The following ATP6V1B1 variants were observed in gnomAD, a reference collection of about 807,000 sequenced individuals.
The protein encoded by ATP6V1B1 is V-type proton ATPase subunit B, kidney isoform.
A neutral mutation model predicts 62.1 loss-of-function variants in ATP6V1B1; 41 were observed. That is an observed-to-expected ratio of 0.66 (90% CI 0.51 to 0.86). ATP6V1B1 has a LOEUF of 0.86. Among genes scored for constraint, ATP6V1B1 ranks in the 40% least tolerant of loss-of-function variants. ATP6V1B1 has a pLI of 0.00. For missense variants in ATP6V1B1, 651 were observed against 697.5 expected, an observed-to-expected ratio of 0.93 and a Z score of 0.75; for synonymous variants, 253 against 273.4, an observed-to-expected ratio of 0.93 and a Z score of 0.74.
In ATP6V1B1 at chr2:70,959,779, T is replaced by C. The variant is rs2104827295; in HGVS notation, c.446-160T>C. ...TCACACGTCATGTGCTCAATAGCCA[T>C]TTGTATCTAGGGCTACATCAGGCAG... On this transcript the variant is annotated intron_variant, in intron 5 of 13. Coordinates refer to ENST00000234396, the MANE Select transcript of ATP6V1B1 (RefSeq NM_001692.4). The surrounding 1 kb of genome is among the most constrained non-coding windows in gnomAD (Gnocchi z 4.2). Among the ~76,000 whole-genome samples the C allele has an allele frequency of 6.6e-6, 1 of 152,328 alleles. No individual in the cohort carries two copies. The highest frequency in any genetic ancestry group is 6.5e-5 in the Admixed American group (1 of 15,308).
intron 1 of ATP6V1B1, among the ~76,000 whole-genome samples, chr2:70,938,294 C>A (rs781884273): frequency 1.3e-5 from 2 of 151,986 alleles, no homozygotes. Flanking sequence ...TGTGGACAGG[C>A]GCAGGGCTGG....
At chr2:70,938,511 T>C (rs1679911959) in intron 1 of ATP6V1B1, 6 of 979,796 alleles carry the variant, frequency 6.1e-6, no homozygotes. Context: ...TGAGTCCAGG[T>C]GACTTAGGCA....
chr2:70,944,113 G>A (rs1464019229), intron 2 of ATP6V1B1: 1 of 1,285,808 alleles, frequency 7.8e-7, no homozygotes, highest in South Asian at 1.3e-5. Flanking sequence ...GACTCTCACA[G>A]GATCTTCTTT....
rs1410405464 is a variant in ATP6V1B1, at chr2:70,943,861, C to T, written c.174+148C>T. 3.1e-6 allele frequency: 4 copies of T among 1,294,444 alleles called. No homozygotes were observed. In the African/African-American group the frequency reaches 5.9e-5, roughly 19 times the overall value. The allele number at this position is 1,294,444 out of a possible 1,614,324, so 80.2% of individuals were successfully genotyped here. A position where few individuals can be genotyped will look rare whatever the true frequency, so the allele number is the denominator to read the frequency against. Reference sequence around the variant, plus strand: ...CTCCATCCAGGCACCCACTCCCACTCTCCTTCCCTAGCTGTATCCCCAGCC... The same window carrying T: ...CTCCATCCAGGCACCCACTCCCACTTTCCTTCCCTAGCTGTATCCCCAGCC... On this transcript the variant is annotated intron_variant, in intron 2 of 13. Coordinates refer to ENST00000234396, the MANE Select transcript of ATP6V1B1 (RefSeq NM_001692.4).
At chr2:70,952,079 A>G (rs955424704) in intron 2 of ATP6V1B1, among the ~76,000 whole-genome samples, 3 of 152,212 alleles carry the variant, frequency 2.0e-5, no homozygotes, top group African/African-American at 7.2e-5. Flanking sequence ...GCATTTTACC[A>G]TGTACAAGGA....
At position 70,936,220 on chromosome 2, in the gene ATP6V1B1, C is replaced by T. The variant is rs72622609; in HGVS notation, c.118+148C>T. The T allele has an allele frequency of 0.13, 101,608 of 809,908 alleles. 6,980 individuals are homozygous for T. Among genetic ancestry groups the T allele is most frequent in the Admixed American group, 0.2 (7,795 of 38,262 alleles). 50.2% of individuals were successfully genotyped at this position (809,908 alleles called of 1,614,324 possible). On this transcript the variant is annotated intron_variant, in intron 1 of 13. Coordinates refer to ENST00000234396, the MANE Select transcript of ATP6V1B1 (RefSeq NM_001692.4). ...GAGGGCTCTCTGTCCAGCAGAGTGA[C>T]GCAGTGGGGCCACCTGGACCAGAGG...
intron 1 of ATP6V1B1, among the ~76,000 whole-genome samples, chr2:70,937,348 G>T (rs1307794930): frequency 4.6e-5 from 7 of 152,094 alleles, no homozygotes; most frequent in Non-Finnish European, 7.4e-5. Context: ...TGGGAGGAGA[G>T]CCCTGGGGTG....
chr2:70,965,193 A>AC lies in ATP6V1B1; in HGVS notation c.*76dup. ...GCTCCCGGGTCTCCCCTCCCTCGCC[A>AC]CCCCAACCAGCGGCTTCTGCGCCGC... is the stretch of plus-strand genomic sequence containing the variant. On this transcript the variant is annotated 3_prime_UTR_variant, in exon 14 of 14. Coordinates refer to ENST00000234396, the MANE Select transcript of ATP6V1B1 (RefSeq NM_001692.4). 1.3e-6 allele frequency: 2 copies of AC among 1,583,830 alleles called. No individual in the cohort carries two copies. Among genetic ancestry groups the AC allele is most frequent in the Non-Finnish European group, 1.7e-6 (2 of 1,171,096 alleles).
At position 70,959,440 on chromosome 2, in the gene ATP6V1B1, G is replaced by A. The variant is rs1256159447; in HGVS notation, c.445+345G>A. Among the ~76,000 whole-genome samples the A allele has an allele frequency of 6.6e-6, 1 of 152,242 alleles. No homozygotes were observed. The highest frequency in any genetic ancestry group is 6.5e-5 in the Admixed American group (1 of 15,284). ...CCAGGCCTCAAACCCTATCCCATCT[G>A]TTTACTGAGGACACACTGGGAGGCC... On this transcript the variant is annotated intron_variant, in intron 5 of 13. Transcript: ENST00000234396. This position sits in a 1 kb window ranked among gnomAD's most constrained non-coding sequence, Gnocchi z 4.2.
At chr2:70,944,117 CTTCTT>C (rs1374113472) in intron 2 of ATP6V1B1, 1 of 1,283,734 alleles carries the variant, frequency 7.8e-7, no homozygotes, top group Non-Finnish European at 1.0e-6. Context: ...CTCACAGGAT[CTTCTT>C]TTAACGGGAA....
chr2:70,951,414 G>A (rs1445518628), intron 2 of ATP6V1B1, among the ~76,000 whole-genome samples: 1 of 152,008 alleles, frequency 6.6e-6, no homozygotes, highest in Non-Finnish European at 1.5e-5. Flanking sequence ...CCTGATATCG[G>A]GTAAGCTGAT....
At chr2:70,941,010 T>C (rs1164092392) in intron 1 of ATP6V1B1, 1 of 685,866 alleles carries the variant, frequency 1.5e-6, no homozygotes, top group Non-Finnish European at 1.8e-6. Flanking sequence ...TCAACCTCCC[T>C]GGGCTCAGGT....
At chr2:70,937,408 C>T (rs1679882957) in intron 1 of ATP6V1B1, among the ~76,000 whole-genome samples, 1 of 152,024 alleles carries the variant, frequency 6.6e-6, no homozygotes, top group South Asian at 2.1e-4. Context: ...GAGCACATTC[C>T]AGCTAAGAAG....
At chr2:70,953,680 T>C (rs782150174) in intron 2 of ATP6V1B1, among the ~76,000 whole-genome samples, 4 of 152,222 alleles carry the variant, frequency 2.6e-5, no homozygotes, top group Non-Finnish European at 4.4e-5. Flanking sequence ...CCCATAATTA[T>C]TTTATTTTGG....
chr2:70,950,979 G>T (rs1261001910), intron 2 of ATP6V1B1, among the ~76,000 whole-genome samples: 1 of 77,252 alleles, frequency 1.3e-5, no homozygotes, highest in African/African-American at 5.0e-5. Context: ...TTTCACTCTT[G>T]TTGCCCAGGC....
chr2:70,961,908 C>T (rs959595952), intron 8 of ATP6V1B1: 1 of 604,748 alleles, frequency 1.7e-6, no homozygotes, highest in South Asian at 1.8e-5. Context: ...TGTCTGCTGC[C>T]TGTGCCCTCT....
rs564873316 is a variant in ATP6V1B1 at position 70,936,122 on chromosome 2, G to A, written c.118+50G>A. The stretch of plus-strand genomic sequence containing the variant: ...GGTGAGGTCAGGGTGGGGAGCTGGG[G>A]TGGGCTGCCAGGTTCCCGGGCCCCG... On this transcript the variant is annotated intron_variant, in intron 1 of 13. Transcript: ENST00000234396. 2.7e-5 allele frequency: 43 copies of A among 1,582,798 alleles called. No homozygotes were observed. In the East Asian group the frequency reaches 7.2e-4, roughly 26 times the overall value.
At position 70,945,028 on chromosome 2, in the gene ATP6V1B1, C is replaced by A. The variant is rs371375665; in HGVS notation, c.174+1315C>A. Among the ~76,000 whole-genome samples the A allele has an allele frequency of 5.9e-5, 9 of 152,186 alleles. 1 individual carries two copies. In the East Asian group the frequency reaches 7.7e-4, roughly 13 times the overall value. Reference sequence around the variant, plus strand: ...TTTCCACTCACTCTCATCACTCTCCCTTCCCTGTGTAGAAACCAACACCTG... The same window carrying A: ...TTTCCACTCACTCTCATCACTCTCCATTCCCTGTGTAGAAACCAACACCTG... On this transcript the variant is annotated intron_variant, in intron 2 of 13. Transcript: ENST00000234396.
chr2:70,937,309 A>G (rs1056672304), intron 1 of ATP6V1B1, among the ~76,000 whole-genome samples: 12 of 152,140 alleles, frequency 7.9e-5, no homozygotes, highest in African/African-American at 2.6e-4. Context: ...CTGAGGGGTG[A>G]AATCAGAGTA....
Sources: gnomAD v4.1 joint callset for allele counts (sites outside exome capture counted in the v4.1 genomes callset) on GRCh38, gnomAD v4.1.1 for gene constraint, Gnocchi (gnomAD v3.1) non-coding constraint, MANE v1.5 for transcripts, NCBI Gene and HGNC (gene_info 2026-07-23, HGNC 2026-07-21) for gene names.